The following SLC1A2 variants were observed in gnomAD, a reference collection of about 807,000 sequenced individuals.
SLC1A2 encodes the protein solute carrier family 1 member 2.
Under a neutral mutation model 48.8 loss-of-function variants are expected in SLC1A2, and 15 were observed. The observed-to-expected ratio is 0.31, with a 90% confidence interval of 0.21 to 0.47. SLC1A2 has a LOEUF of 0.47. Among genes scored for constraint, SLC1A2 ranks in the 20% least tolerant of loss-of-function variants. The pLI, the probability that SLC1A2 is intolerant of heterozygous loss-of-function variation, is 0.99. For missense variants in SLC1A2, 502 were observed against 730.5 expected (o/e 0.69, Z 3.61); for synonymous variants, 279 against 272.6 (o/e 1.02, Z -0.23).
chr11:35,327,420 T>A (rs1346954717), intron 1 of SLC1A2, among the ~76,000 whole-genome samples: 1 of 152,138 alleles, frequency 6.6e-6, no homozygotes, highest in African/African-American at 2.4e-5. Context: ...CATGTAAACA[T>A]CTCCTTCAGA....
chr11:35,319,782 C>A (rs72938844), intron 1 of SLC1A2, among the ~76,000 whole-genome samples: 1 of 152,244 alleles, frequency 6.6e-6, no homozygotes, highest in Non-Finnish European at 1.5e-5. Context: ...GTCCCTGAAG[C>A]CCTGAATCAA....
At position 35,345,435 on chromosome 11, in the gene SLC1A2, C is replaced by T. The variant is rs1416273110; in HGVS notation, c.18-27919G>A. ...CTGTCTGAAGATCACATCCTCTTTG[C>T]AGAGGAAGTGCTGGGTGATTTCACT... is the stretch of plus-strand genomic sequence containing the variant. On this transcript the variant is annotated intron_variant, in intron 1 of 10. Transcript: ENST00000278379. Among the ~76,000 whole-genome samples the T allele has an allele frequency of 2.0e-5, 3 of 152,296 alleles. No individual in the cohort carries two copies. In the East Asian group the frequency reaches 5.8e-4, roughly 29 times the overall value.
intron 1 of SLC1A2, among the ~76,000 whole-genome samples, chr11:35,364,159 A>G (rs1853770007): frequency 6.6e-6 from 1 of 152,168 alleles, no homozygotes; most frequent in Admixed American, 6.5e-5. Context: ...GCTGTTCTGG[A>G]GGTGGTGTCC....
rs542724655 is a variant in SLC1A2 at position 35,369,494 on chromosome 11, A to C, written c.17+49456T>G. ...ATATGTAAAGAATGAATGGAAACTCATGCTGGAGGTTGGAAATAAAAAGCC... is the reference window on the plus strand; with the variant it reads ...ATATGTAAAGAATGAATGGAAACTCCTGCTGGAGGTTGGAAATAAAAAGCC... On this transcript the variant is annotated intron_variant, in intron 1 of 10. Transcript: ENST00000278379. 2.0e-5 allele frequency among the ~76,000 whole-genome samples: 3 copies of C among 152,344 alleles called. No individual in the cohort carries two copies. The South Asian group carries it at 6.2e-4, about 32-fold the overall frequency.
intron 9 of SLC1A2, among the ~76,000 whole-genome samples, chr11:35,278,460 G>A (rs549835705): frequency 1.3e-5 from 2 of 151,770 alleles, no homozygotes; most frequent in East Asian, 3.9e-4. Flanking sequence ...TGCATTTTTG[G>A]TAGAGACGGG....
intron 1 of SLC1A2, among the ~76,000 whole-genome samples, chr11:35,329,067 T>G (rs1852341531): frequency 6.6e-6 from 1 of 152,102 alleles, no homozygotes. Flanking sequence ...TATTCAGCAC[T>G]GAAAAGAAAT....
intron 1 of SLC1A2, among the ~76,000 whole-genome samples, chr11:35,345,626 G>A (rs1853001081): frequency 6.6e-6 from 1 of 152,090 alleles, no homozygotes; most frequent in Non-Finnish European, 1.5e-5. Context: ...ATCACACCAT[G>A]AAATACCCAC....
At chr11:35,366,613 C>T (rs1853858205) in intron 1 of SLC1A2, among the ~76,000 whole-genome samples, 2 of 152,194 alleles carry the variant, frequency 1.3e-5, no homozygotes, top group South Asian at 4.1e-4. Context: ...TCCTGACTGC[C>T]TTCCTTGTCT....
At chr11:35,354,423 T>C (rs2135099099) in intron 1 of SLC1A2, among the ~76,000 whole-genome samples, 1 of 152,260 alleles carries the variant, frequency 6.6e-6, no homozygotes, top group South Asian at 2.1e-4. Flanking sequence ...ATTACACTAC[T>C]GTACCCAGCC....
At chr11:35,393,657 C>A (rs187798223) in intron 1 of SLC1A2, among the ~76,000 whole-genome samples, 457 of 152,296 alleles carry the variant, frequency 3.0e-3, no homozygotes, top group Middle Eastern at 0.014. Context: ...GGCATTCAGA[C>A]AAAATGTGAA....
chr11:35,309,406 T>C (rs902625777), intron 4 of SLC1A2, among the ~76,000 whole-genome samples: 4 of 152,218 alleles, frequency 2.6e-5, no homozygotes, highest in African/African-American at 9.6e-5. Flanking sequence ...AAAGAACCCA[T>C]GCGGTCTCTA....
At chr11:35,315,354 C>T in intron 2 of SLC1A2, 179 bp from the exon 3 acceptor site, 1 of 504,100 alleles carries the variant, frequency 2.0e-6, no homozygotes, top group African/African-American at 1.9e-5. Context: ...AGCAAGAGAA[C>T]TTTCTATACC....
intron 4 of SLC1A2, among the ~76,000 whole-genome samples, chr11:35,309,851 A>G (rs1035537791): frequency 1.2e-4 from 19 of 152,286 alleles, no homozygotes; most frequent in Admixed American, 3.3e-4. Context: ...ATTCTACACC[A>G]TTCTTCCTCA....
chr11:35,268,284 T>C (rs1850161738), intron 9 of SLC1A2, among the ~76,000 whole-genome samples: 1 of 152,168 alleles, frequency 6.6e-6, no homozygotes, highest in Non-Finnish European at 1.5e-5. Flanking sequence ...CCAGAATAAT[T>C]TGCATTATTG....
intron 9 of SLC1A2, among the ~76,000 whole-genome samples, chr11:35,267,621 A>G (rs1408877709): frequency 2.6e-5 from 4 of 152,172 alleles, no homozygotes; most frequent in Non-Finnish European, 4.4e-5. Context: ...AACGCTCCCA[A>G]CTAACTAGCT....
chr11:35,262,248 G>A (rs16927212), intron 10 of SLC1A2, among the ~76,000 whole-genome samples: 5,207 of 152,296 alleles, frequency 0.034, 269 homozygotes, highest in African/African-American at 0.12. Context: ...GCGATGAACC[G>A]CATCAATAGT....
intron 1 of SLC1A2, among the ~76,000 whole-genome samples, chr11:35,366,043 C>T (rs530927982): frequency 6.6e-6 from 1 of 152,316 alleles, no homozygotes; most frequent in South Asian, 2.1e-4. Context: ...GTCAATAGTG[C>T]TGAGGTCAAA....
intron 1 of SLC1A2, among the ~76,000 whole-genome samples, chr11:35,371,445 T>A (rs930476176): frequency 2.0e-5 from 3 of 152,100 alleles, no homozygotes; most frequent in African/African-American, 7.2e-5. Flanking sequence ...CACTGGGCAG[T>A]CTACAACAGT....
In SLC1A2 at chr11:35,373,607, C is replaced by G. The variant is rs1023551699; in HGVS notation, c.17+45343G>C. ...CCCCAGAAAATGAGTAGATGTGAAA[C>G]AGGGAGAGGGCTGCAGGCTGTGCTG... On this transcript the variant is annotated intron_variant, in intron 1 of 10. Coordinates refer to ENST00000278379, the MANE Select transcript of SLC1A2 (RefSeq NM_004171.4). 2.6e-5 allele frequency among the ~76,000 whole-genome samples: 4 copies of G among 152,172 alleles called. No homozygotes were observed. In the East Asian group the frequency reaches 5.8e-4, roughly 22 times the overall value.
Sources: gnomAD v4.1 joint callset for allele counts (sites outside exome capture counted in the v4.1 genomes callset) on GRCh38, gnomAD v4.1.1 for gene constraint, MANE v1.5 for transcripts, NCBI Gene and HGNC (gene_info 2026-07-23, HGNC 2026-07-21) for gene names.